Variants in PTPN3 observed in about 807,000 individuals in gnomAD.
PTPN3 encodes tyrosine-protein phosphatase non-receptor type 3.
PTPN3 carries 96 observed loss-of-function variants against 132.7 expected under a neutral mutation model. That is an observed-to-expected ratio of 0.72 (90% CI 0.61 to 0.86). PTPN3 has a LOEUF of 0.86. Ranked by LOEUF, PTPN3 falls within the 40% of genes least tolerant of loss-of-function variation. PTPN3 has a pLI of 0.00. For missense variants in PTPN3, 1,125 were observed against 1,159.6 expected (o/e 0.97, Z 0.43); for synonymous variants, 398 against 429.0 (o/e 0.93, Z 0.89).
Position 109,379,304 on chromosome 9 carries a change from G to GC in PTPN3, c.*251dup. ...GTTAGGGAAGAAGGCATTAGGACAG[G>GC]CCCCAAACTGAGATCCTTTTTGTAT... is the stretch of plus-strand genomic sequence containing the variant. On this transcript the variant is annotated 3_prime_UTR_variant, in exon 26 of 26. Coordinates refer to ENST00000374541, the MANE Select transcript of PTPN3 (RefSeq NM_002829.4). 1 of 485,034 alleles carries GC rather than the reference G, an allele frequency of 2.1e-6. No homozygotes were observed. The highest frequency in any genetic ancestry group is 2.6e-5 in the South Asian group (1 of 38,682). 30.0% of individuals were successfully genotyped at this position (485,034 alleles called of 1,614,324 possible).
intron 1 of PTPN3, among the ~76,000 whole-genome samples, chr9:109,475,757 T>G (rs1158134490): frequency 1.3e-5 from 2 of 152,172 alleles, no homozygotes; most frequent in Non-Finnish European, 2.9e-5. Flanking sequence ...AGAAAACAGC[T>G]AAAGTCACTT....
intron 10 of PTPN3, among the ~76,000 whole-genome samples, chr9:109,432,522 C>T (rs993752749): frequency 6.6e-6 from 1 of 152,140 alleles, no homozygotes; most frequent in African/African-American, 2.4e-5. Flanking sequence ...CTCCCTGTTG[C>T]CTGGCACATT....
the PTPN3 span, chr9:109,533,805 G>A: frequency 4.1e-6 from 4 of 986,110 alleles, no homozygotes; most frequent in Non-Finnish European, 6.2e-6. Flanking sequence ...TGGGGAGCAC[G>A]CTCCCATCCC....
intron 2 of PTPN3, among the ~76,000 whole-genome samples, chr9:109,462,818 C>T (rs1040400901): frequency 1.3e-5 from 2 of 152,060 alleles, no homozygotes; most frequent in Non-Finnish European, 2.9e-5. Context: ...GTGTGCCCAG[C>T]TTTGTGCCAG....
chr9:109,464,869 G>C (rs184912647), intron 1 of PTPN3, among the ~76,000 whole-genome samples: 106 of 152,286 alleles, frequency 7.0e-4, no homozygotes, highest in African/African-American at 2.2e-3. Flanking sequence ...TTACAAACAG[G>C]CAAAACTAAT....
intron 1 of PTPN3, among the ~76,000 whole-genome samples, chr9:109,488,494 C>T (rs896536325): frequency 1.3e-5 from 2 of 152,138 alleles, no homozygotes; most frequent in African/African-American, 2.4e-5. Flanking sequence ...TTCTAGGAAC[C>T]GGAACATTCC....
chr9:109,526,957 A>G, the PTPN3 span, among the ~76,000 whole-genome samples: 1 of 152,190 alleles, frequency 6.6e-6, no homozygotes, highest in Non-Finnish European at 1.5e-5. Flanking sequence ...TCAATTGGAT[A>G]TCCATAAAAA....
At chr9:109,408,758 T>C (rs558706175) in intron 16 of PTPN3, among the ~76,000 whole-genome samples, 2 of 138,376 alleles carry the variant, frequency 1.4e-5, no homozygotes, top group South Asian at 4.7e-4. Flanking sequence ...GTTGTGCACA[T>C]GTACCCTAGA....
At position 109,382,199 on chromosome 9, in the gene PTPN3, C is replaced by G. The variant is rs193183391; in HGVS notation, c.2528+103G>C. ...GTCAACAGAGGTTTGTAAGGGCACA[C>G]GACTTTGTGGGATGTAGGGTGGGTC... On this transcript the variant is annotated intron_variant, in intron 24 of 25. Transcript: ENST00000374541. The G allele has an allele frequency of 2.2e-4, 303 of 1,388,708 alleles. 2 individuals are homozygous for G. The East Asian group carries it at 6.3e-3, about 29-fold the overall frequency. 86.0% of individuals were successfully genotyped at this position (1,388,708 alleles called of 1,614,324 possible).
chr9:109,435,006 T>C (rs546486123), intron 9 of PTPN3, among the ~76,000 whole-genome samples: 1 of 152,184 alleles, frequency 6.6e-6, no homozygotes, highest in Admixed American at 6.5e-5. Context: ...CACATGCTTA[T>C]AACAAAACCA....
rs1011258818 is a variant in PTPN3, at chr9:109,379,148, GAC to G, written c.*406_*407del. On this transcript the variant is annotated 3_prime_UTR_variant, in exon 26 of 26. Coordinates refer to ENST00000374541, the MANE Select transcript of PTPN3 (RefSeq NM_002829.4). Reference sequence around the variant, plus strand: ...ACAGAAAGCTCAGCCCTTACAGTCTGACACACAGAAACAAACAAAACATCCAA... The same window carrying G: ...ACAGAAAGCTCAGCCCTTACAGTCTGACACAGAAACAAACAAAACATCCAA... 1 of 179,794 alleles carries G rather than the reference GAC, an allele frequency of 5.6e-6. No individual in the cohort carries two copies. Among genetic ancestry groups the G allele is most frequent in the African/African-American group, 2.4e-5 (1 of 41,956 alleles). The allele number at this position is 179,794 out of a possible 1,614,324, so 11.1% of individuals were successfully genotyped here. A position where few individuals can be genotyped will look rare whatever the true frequency, so the allele number is the denominator to read the frequency against.
the PTPN3 span, among the ~76,000 whole-genome samples, chr9:109,511,749 T>C: frequency 6.6e-6 from 1 of 152,168 alleles, no homozygotes; most frequent in Non-Finnish European, 1.5e-5. Flanking sequence ...GTTTTAGCAG[T>C]GTTTTGTTAC....
At position 109,457,386 on chromosome 9, in the gene PTPN3, C is replaced by A. The variant is rs906855815; in HGVS notation, c.152G>T (p.Gly51Val). The change falls in exon 3 of 26, where the codon GGC (glycine) becomes GTC (valine). Residue 51 changes from glycine (G) to valine (V), a missense_variant. Transcript: ENST00000374541. ...GTGCACCATATCCAGAAGAACCTGG[C>A]CAGTGTCTTGTTTCTAGAACAAAGG... The part of the protein sequence containing the change: ...QTFKVTKQDT[G>V]QVLLDMVHNH... 6.2e-7 allele frequency: 1 copy of A among 1,612,168 alleles called. No homozygotes were observed.
In PTPN3 at chr9:109,410,315, C is replaced by G. The variant is rs750357031; in HGVS notation, c.1414G>C (p.Gly472Arg). 1 of 1,613,988 alleles carries G rather than the reference C, an allele frequency of 6.2e-7. No individual in the cohort carries two copies. Among genetic ancestry groups the G allele is most frequent in the South Asian group, 1.1e-5 (1 of 91,074 alleles). ...TCATCTAAGAGCTGCTGATCAACGC[C>G]GTCAGGTGAGCAGGAGCCTGGAGCA... Reference protein sequence around the residue: ...SNAPGSCSPDGVDQQLLDDFH... With the variant: ...SNAPGSCSPDRVDQQLLDDFH... Residue 472 changes from glycine to arginine, a missense_variant, in exon 15 of 26, where the codon GGC (glycine) becomes CGC (arginine). Transcript: ENST00000374541.
At chr9:109,512,604 C>T in the PTPN3 span, among the ~76,000 whole-genome samples, 1 of 152,190 alleles carries the variant, frequency 6.6e-6, no homozygotes, top group Non-Finnish European at 1.5e-5. Context: ...AGGTGTGTGA[C>T]CACACATTGA....
chr9:109,403,610 C>T (rs543194676), intron 19 of PTPN3, among the ~76,000 whole-genome samples: 3 of 152,258 alleles, frequency 2.0e-5, no homozygotes, highest in East Asian at 3.9e-4. Flanking sequence ...AAGACCGAGG[C>T]GGGAGGACGG....
rs185803076 is a variant in PTPN3 at position 109,391,119 on chromosome 9, A to C, written c.2106+19T>G. On this transcript the variant is annotated intron_variant, in intron 21 of 25. Transcript: ENST00000374541. ...AGTGGTGAATGTGCTCTTAAGCATC[A>C]TCCAGATTCCTAACTTACGTTCACG... The C allele has an allele frequency of 2.2e-5, 36 of 1,605,270 alleles. No homozygotes were observed. The African/African-American group carries it at 3.6e-4, about 16-fold the overall frequency.
chr9:109,457,083 G>C, intron 4 of PTPN3, 90 bp downstream of exon 4: 1 of 1,358,496 alleles, frequency 7.4e-7, no homozygotes, highest in Non-Finnish European at 1.0e-6. Context: ...ACAGGTACCA[G>C]ATGTCACAGG....
At chr9:109,471,835 G>A (rs1021787254) in intron 1 of PTPN3, among the ~76,000 whole-genome samples, 3 of 152,038 alleles carry the variant, frequency 2.0e-5, no homozygotes, top group African/African-American at 7.2e-5. Flanking sequence ...AATACCCCCT[G>A]ACCCTCATGG....
Sources: gnomAD v4.1 joint callset for allele counts (sites outside exome capture counted in the v4.1 genomes callset) on GRCh38, gnomAD v4.1.1 for gene constraint, MANE v1.5 for transcripts, NCBI Gene and HGNC (gene_info 2026-07-23, HGNC 2026-07-21) for gene names.